The following TDP1 variants were observed in gnomAD, a reference collection of about 807,000 sequenced individuals.
TDP1 encodes tyr-DNA phosphodiesterase 1.
A neutral mutation model predicts 81.5 loss-of-function variants in TDP1; 64 were observed. The ratio of observed to expected loss-of-function variants is 0.79; its 90% CI spans 0.64 to 0.97. The LOEUF (loss-of-function observed/expected upper bound fraction) is 0.97, where lower values mean the gene tolerates loss of function less well. Ranked by LOEUF, TDP1 falls within the 50% of genes least tolerant of loss-of-function variation. The pLI is 0.00. For synonymous variants in TDP1, 256 were observed against 264.3 expected, an observed-to-expected ratio of 0.97 and a Z score of 0.30; for missense variants, 723 against 743.8, an observed-to-expected ratio of 0.97 and a Z score of 0.33.
At chr14:89,989,669 C>T in intron 11 of TDP1, 48 bp from the exon 12 acceptor site, 1 of 1,441,908 alleles carries the variant, frequency 6.9e-7, no homozygotes, top group Non-Finnish European at 9.8e-7. Flanking sequence ...CATTCCTTTT[C>T]TTCAACATGG....
At chr14:90,008,183 C>T (rs374851960) in intron 14 of TDP1, among the ~76,000 whole-genome samples, 3 of 152,278 alleles carry the variant, frequency 2.0e-5, no homozygotes, top group South Asian at 2.1e-4. Context: ...AGCATATTGA[C>T]TCACCCTCTC....
At chr14:89,974,407 GA>G (rs1477005966) in intron 6 of TDP1, among the ~76,000 whole-genome samples, 1 of 152,134 alleles carries the variant, frequency 6.6e-6, no homozygotes, top group Non-Finnish European at 1.5e-5. Flanking sequence ...TGGTAATTTT[GA>G]AAACATGAAA....
chr14:89,965,976 A>T lies in TDP1; in HGVS notation c.560-171A>T, dbSNP rs1462600402. On this transcript the variant is annotated intron_variant, in intron 3 of 16. Coordinates refer to ENST00000335725, the MANE Select transcript of TDP1 (RefSeq NM_018319.4). ...GATAAATATTAAATACCATAGGGAAATTTTTTTTGAATTTTATGAAACATT... is the reference window on the plus strand; with the variant it reads ...GATAAATATTAAATACCATAGGGAATTTTTTTTTGAATTTTATGAAACATT... 4 of 703,058 alleles carry T rather than the reference A, an allele frequency of 5.7e-6. 1 individual carries two copies. In the South Asian group the frequency reaches 1.9e-4, roughly 34 times the overall value. 43.6% of individuals were successfully genotyped at this position (703,058 alleles called of 1,614,324 possible).
Position 89,971,342 on chromosome 14 carries a change from C to G in TDP1, c.756+71C>G, listed in dbSNP as rs1234285698. ...AAGGAAACTTAGACATTTAGTCCAC[C>G]CTCTCACTTAGTGCAGAAATCCTCT... On this transcript the variant is annotated intron_variant, in intron 6 of 16. Coordinates refer to ENST00000335725, the MANE Select transcript of TDP1 (RefSeq NM_018319.4). 3.5e-6 allele frequency: 4 copies of G among 1,137,772 alleles called. 1 individual carries two copies. The Middle Eastern group carries it at 6.5e-4, about 184-fold the overall frequency. 70.5% of individuals were successfully genotyped at this position (1,137,772 alleles called of 1,614,324 possible).
intron 7 of TDP1, among the ~76,000 whole-genome samples, chr14:89,978,027 A>T (rs1596539090): frequency 6.6e-6 from 1 of 152,248 alleles, no homozygotes; most frequent in Non-Finnish European, 1.5e-5. Flanking sequence ...ATCCAGATCC[A>T]GGTGGTGGCC....
At position 89,975,719 on chromosome 14, in the gene TDP1, T is replaced by C. The variant is rs17126517; in HGVS notation, c.757-62T>C. On this transcript the variant is annotated intron_variant, in intron 6 of 16. Transcript: ENST00000335725. ...TTGACCTGATTGCTTTCTAATGTAA[T>C]TTCCAGTAGATATGGATATTAGTGA... 0.035 allele frequency: 48,669 copies of C among 1,396,114 alleles called. 1,045 individuals carry two copies. Among genetic ancestry groups the C allele is most frequent in the Non-Finnish European group, 0.043 (41,879 of 981,360 alleles). The allele number at this position is 1,396,114 out of a possible 1,614,324, so 86.5% of individuals were successfully genotyped here.
intron 5 of TDP1, among the ~76,000 whole-genome samples, chr14:89,968,695 C>T (rs1174001786): frequency 6.6e-6 from 1 of 152,218 alleles, no homozygotes; most frequent in Non-Finnish European, 1.5e-5. Flanking sequence ...GGCTCCTCCT[C>T]GCAGTAGTAT....
intron 15 of TDP1, among the ~76,000 whole-genome samples, chr14:90,031,838 A>G (rs1008099079): frequency 6.6e-6 from 1 of 152,098 alleles, no homozygotes; most frequent in African/African-American, 2.4e-5. Flanking sequence ...GAGTTTAATA[A>G]AGGTGTTGCT....
At chr14:89,975,065 C>T (rs974606992) in intron 6 of TDP1, among the ~76,000 whole-genome samples, 4 of 152,106 alleles carry the variant, frequency 2.6e-5, no homozygotes, top group Non-Finnish European at 5.9e-5. Context: ...ATGTTGCCAC[C>T]ACTTTCAGTG....
chr14:90,021,658 TA>T (rs1252423546), intron 15 of TDP1, among the ~76,000 whole-genome samples: 1 of 152,210 alleles, frequency 6.6e-6, no homozygotes, highest in Non-Finnish European at 1.5e-5. Flanking sequence ...ACCGACCTTA[TA>T]GGGGGGCTCT....
Position 89,984,680 on chromosome 14 carries a change from C to G in TDP1, c.1049C>G (p.Thr350Arg), listed in dbSNP as rs1246985820. 1.2e-6 allele frequency: 2 copies of G among 1,613,796 alleles called. No homozygotes were observed. Among genetic ancestry groups the G allele is most frequent in the Non-Finnish European group, 1.7e-6 (2 of 1,180,012 alleles). ...ATTCACAAGCACGATCTCTCTGAAA[C>G]AAAGTATGTGTCAGCTTATCAATTT... is the stretch of plus-strand genomic sequence containing the variant. ...DVIHKHDLSE[T>R]NVYLIGSTPG... Residue 350 changes from threonine to arginine, a missense_variant, in exon 9 of 17, where the codon ACA becomes AGA. Transcript: ENST00000335725.
At chr14:89,969,032 C>T (rs958210385) in intron 5 of TDP1, among the ~76,000 whole-genome samples, 3 of 152,144 alleles carry the variant, frequency 2.0e-5, no homozygotes, top group Non-Finnish European at 4.4e-5. Context: ...CATGTAAAGA[C>T]ACAGAACGCC....
intron 16 of TDP1, 46 bp downstream of exon 16, chr14:90,033,260 A>G: frequency 9.2e-7 from 1 of 1,085,528 alleles, no homozygotes; most frequent in Middle Eastern, 2.0e-4. Flanking sequence ...TGCATAAGAA[A>G]AACAAACAGA....
At chr14:89,996,190 C>T (rs1189606987) in intron 14 of TDP1, among the ~76,000 whole-genome samples, 2 of 152,206 alleles carry the variant, frequency 1.3e-5, no homozygotes, top group South Asian at 2.1e-4. Flanking sequence ...TGCCCCTTCA[C>T]CTTTCTGAAA....
chr14:89,984,504 T>G lies in TDP1; in HGVS notation c.885-12T>G. ...TGTGCCTGACTGTTAAAGGTTATTT[T>G]TTTAATTCCAGAATATGGTTGAGCC... is the stretch of plus-strand genomic sequence containing the variant. On this transcript the variant is annotated splice_polypyrimidine_tract_variant and intron_variant, in intron 8 of 16. Coordinates refer to ENST00000335725, the MANE Select transcript of TDP1 (RefSeq NM_018319.4). 1 of 1,614,058 alleles carries G rather than the reference T, an allele frequency of 6.2e-7. No individual in the cohort carries two copies. Among genetic ancestry groups the G allele is most frequent in the Non-Finnish European group, 8.5e-7 (1 of 1,180,026 alleles).
At chr14:90,016,023 G>A (rs1266943401) in intron 14 of TDP1, among the ~76,000 whole-genome samples, 1 of 151,688 alleles carries the variant, frequency 6.6e-6, no homozygotes, top group Non-Finnish European at 1.5e-5. Context: ...GAGAGCAAAT[G>A]TGAGACAGCA....
At chr14:90,002,117 T>C (rs1015315266) in intron 14 of TDP1, among the ~76,000 whole-genome samples, 18 of 152,198 alleles carry the variant, frequency 1.2e-4, no homozygotes, top group African/African-American at 4.1e-4. Flanking sequence ...AGAAGGTATG[T>C]CTTCCCATTC....
chr14:90,021,312 A>G (rs1886066965), intron 15 of TDP1, among the ~76,000 whole-genome samples: 1 of 152,200 alleles, frequency 6.6e-6, no homozygotes, highest in African/African-American at 2.4e-5. Context: ...GCTTGTGGGA[A>G]ACAATGAAGT....
chr14:90,017,241 C>T (rs983306843), intron 14 of TDP1, among the ~76,000 whole-genome samples: 2 of 152,110 alleles, frequency 1.3e-5, no homozygotes, highest in African/African-American at 4.8e-5. Flanking sequence ...CTCCCCCCAC[C>T]CTCCCTGCCT....
Sources: gnomAD v4.1 joint callset for allele counts (sites outside exome capture counted in the v4.1 genomes callset) on GRCh38, gnomAD v4.1.1 for gene constraint, MANE v1.5 for transcripts, NCBI Gene and HGNC (gene_info 2026-07-23, HGNC 2026-07-21) for gene names.